The following NGEF variants were observed in gnomAD, a reference collection of about 807,000 sequenced individuals.
NGEF encodes the protein neuronal guanine nucleotide exchange factor.
NGEF carries 31 observed loss-of-function variants against 80.9 expected under a neutral mutation model. That is an observed-to-expected ratio of 0.38 (90% CI 0.29 to 0.52). The LOEUF (loss-of-function observed/expected upper bound fraction) is 0.52. Ranked by LOEUF, NGEF falls within the 20% of genes least tolerant of loss-of-function variation. The pLI, the probability that NGEF is intolerant of heterozygous loss-of-function variation, is 0.84. For missense variants in NGEF, 709 were observed against 926.2 expected (o/e 0.77, Z 3.04); for synonymous variants, 371 against 370.2 (o/e 1.00, Z -0.03).
At chr2:232,980,015 G>C (rs1323192797) in intron 1 of NGEF, among the ~76,000 whole-genome samples, 1 of 152,202 alleles carries the variant, frequency 6.6e-6, no homozygotes, top group Non-Finnish European at 1.5e-5. Context: ...GCTGGCAAAT[G>C]GTGCGGCAGG....
intron 1 of NGEF, among the ~76,000 whole-genome samples, chr2:232,994,903 A>G (rs939543967): frequency 2.7e-5 from 4 of 147,332 alleles, no homozygotes; most frequent in Non-Finnish European, 6.0e-5. Context: ...TATAATACAT[A>G]CATACACATG....
At chr2:232,984,604 T>C (rs1460780382) in intron 1 of NGEF, among the ~76,000 whole-genome samples, 1 of 151,996 alleles carries the variant, frequency 6.6e-6, no homozygotes, top group Non-Finnish European at 1.5e-5. Flanking sequence ...AATGACAGCG[T>C]GATGGAGAAG....
chr2:232,974,995 T>A, intron 1 of NGEF, 31 bp from the exon 2 acceptor site: 1 of 1,150,848 alleles, frequency 8.7e-7, no homozygotes, highest in East Asian at 2.4e-5. Flanking sequence ...AATTTTCAGT[T>A]AGTCATCAGG....
intron 1 of NGEF, chr2:233,012,486 A>G (rs1319867501): frequency 4.9e-6 from 1 of 206,144 alleles, no homozygotes. Context: ...TGGGGGAGCT[A>G]AAGCGCAGTG....
intron 1 of NGEF, among the ~76,000 whole-genome samples, chr2:232,995,764 A>G (rs556402828): frequency 6.8e-6 from 1 of 146,694 alleles, no homozygotes; most frequent in African/African-American, 2.5e-5. Flanking sequence ...TATGTATTAT[A>G]TGTATTCATA....
chr2:232,986,594 G>A (rs565768755), intron 1 of NGEF, among the ~76,000 whole-genome samples: 5 of 152,320 alleles, frequency 3.3e-5, no homozygotes, highest in African/African-American at 1.2e-4. Context: ...ATATGGTTAA[G>A]TGAAATAAAC....
intron 11 of NGEF, 58 bp from the exon 12 acceptor site, chr2:232,883,524 A>T: frequency 6.9e-7 from 1 of 1,448,366 alleles, no homozygotes; most frequent in Non-Finnish European, 9.1e-7. Context: ...TGGGGGTCCC[A>T]GGAGAGCCCC....
intron 8 of NGEF, among the ~76,000 whole-genome samples, chr2:232,889,489 T>C (rs1203974608): frequency 6.6e-6 from 1 of 152,204 alleles, no homozygotes; most frequent in African/African-American, 2.4e-5. Context: ...TGCATTTCCA[T>C]TGCTTTTAAT....
At chr2:232,898,981 TGTGA>T (rs1264305052) in intron 5 of NGEF, among the ~76,000 whole-genome samples, 3 of 151,968 alleles carry the variant, frequency 2.0e-5, no homozygotes, top group Non-Finnish European at 1.5e-5. Context: ...CATGTGTGTG[TGTGA>T]ATGTGAGTGT....
At chr2:232,976,833 C>T (rs1212484571) in intron 1 of NGEF, among the ~76,000 whole-genome samples, 1 of 152,220 alleles carries the variant, frequency 6.6e-6, no homozygotes, top group Non-Finnish European at 1.5e-5. Context: ...CAATACCTGA[C>T]CCTTCTGGTC....
chr2:232,926,507 G>A (rs1247548805), intron 4 of NGEF, among the ~76,000 whole-genome samples: 1 of 152,148 alleles, frequency 6.6e-6, no homozygotes, highest in East Asian at 1.9e-4. Flanking sequence ...CCTAAGCCAA[G>A]GGCCTCTGGG....
At chr2:232,952,551 A>G (rs1434844682) in intron 3 of NGEF, among the ~76,000 whole-genome samples, 2 of 152,134 alleles carry the variant, frequency 1.3e-5, no homozygotes, top group Non-Finnish European at 2.9e-5. Context: ...TGATTACTAC[A>G]TTTTTCTCAT....
At chr2:232,981,536 G>T (rs1242005902) in intron 1 of NGEF, among the ~76,000 whole-genome samples, 2 of 152,026 alleles carry the variant, frequency 1.3e-5, no homozygotes, top group Non-Finnish European at 2.9e-5. Flanking sequence ...GCCCTGCACT[G>T]GATGGATCAG....
intron 1 of NGEF, among the ~76,000 whole-genome samples, chr2:232,999,311 T>C (rs1694921865): frequency 6.6e-6 from 1 of 152,164 alleles, no homozygotes; most frequent in African/African-American, 2.4e-5. Flanking sequence ...TAATGTTCAA[T>C]ATAAAAATTG....
At chr2:232,953,509 T>TA (rs71398762) in intron 3 of NGEF, among the ~76,000 whole-genome samples, 4 of 113,974 alleles carry the variant, frequency 3.5e-5, no homozygotes, top group Non-Finnish European at 6.0e-5. Context: ...TTTTTTTTTT[T>TA]AAAAAAAAAA....
chr2:232,956,312 A>G (rs1693832881), intron 3 of NGEF, among the ~76,000 whole-genome samples: 1 of 152,166 alleles, frequency 6.6e-6, no homozygotes, highest in Non-Finnish European at 1.5e-5. Context: ...CCCTGCTTTC[A>G]CCACCTCCCC....
chr2:233,000,335 G>A (rs1368827262), intron 1 of NGEF, among the ~76,000 whole-genome samples: 1 of 152,132 alleles, frequency 6.6e-6, no homozygotes. Context: ...GGGCTCAAGC[G>A]ATCCTCCTGC....
intron 5 of NGEF, among the ~76,000 whole-genome samples, chr2:232,912,500 T>C (rs1692710041): frequency 6.6e-6 from 1 of 152,212 alleles, no homozygotes; most frequent in African/African-American, 2.4e-5. Context: ...CTTTCTCTGA[T>C]TTTTCTATCA....
intron 5 of NGEF, among the ~76,000 whole-genome samples, chr2:232,914,445 C>T (rs1316216460): frequency 6.6e-6 from 1 of 152,160 alleles, no homozygotes; most frequent in Non-Finnish European, 1.5e-5. Context: ...GTGCCTCACA[C>T]CTGTCTCAGC....
Sources: gnomAD v4.1 joint callset for allele counts (sites outside exome capture counted in the v4.1 genomes callset) on GRCh38, gnomAD v4.1.1 for gene constraint, MANE v1.5 for transcripts, NCBI Gene and HGNC (gene_info 2026-07-23, HGNC 2026-07-21) for gene names.